Variants in EEFSEC observed in about 807,000 individuals in gnomAD.
The protein encoded by EEFSEC is selenocysteine-specific elongation factor.
EEFSEC carries 43 observed loss-of-function variants against 42.1 expected under a neutral mutation model. The observed-to-expected ratio is 1.02, with a 90% confidence interval of 0.80 to 1.32. The LOEUF (loss-of-function observed/expected upper bound fraction) is 1.32, where lower values mean the gene tolerates loss of function less well. EEFSEC is among the 40% of genes most tolerant of loss of function. EEFSEC has a pLI of 0.00. For synonymous variants in EEFSEC, 354 were observed against 339.1 expected, an observed-to-expected ratio of 1.04 and a Z score of -0.48; for missense variants, 745 against 803.6, an observed-to-expected ratio of 0.93 and a Z score of 0.88.
At chr3:128,334,162 A>C (rs1241766382) in intron 4 of EEFSEC, among the ~76,000 whole-genome samples, 1 of 152,126 alleles carries the variant, frequency 6.6e-6, no homozygotes, top group Non-Finnish European at 1.5e-5. Flanking sequence ...GCCACATCTG[A>C]GTCTCGAGGC....
intron 5 of EEFSEC, among the ~76,000 whole-genome samples, chr3:128,352,532 G>A (rs1218160282): frequency 2.6e-5 from 4 of 152,200 alleles, no homozygotes; most frequent in South Asian, 4.1e-4. Context: ...AATTCCCAGC[G>A]CAACCCTCTG....
At chr3:128,348,253 CGTGTGTGTGT>C (rs761445739) in intron 5 of EEFSEC, among the ~76,000 whole-genome samples, 1 of 101,926 alleles carries the variant, frequency 9.8e-6, no homozygotes, top group Non-Finnish European at 1.9e-5. Flanking sequence ...AGTGTGCATG[CGTGTGTGTGT>C]GTGTGTGCGT....
At chr3:128,212,333 G>T (rs1320808660) in intron 1 of EEFSEC, among the ~76,000 whole-genome samples, 1 of 152,182 alleles carries the variant, frequency 6.6e-6, no homozygotes. Flanking sequence ...ACTACCTTTA[G>T]TACCAGAGTG....
chr3:128,308,670 G>A (rs2066857825), intron 4 of EEFSEC, among the ~76,000 whole-genome samples: 1 of 152,188 alleles, frequency 6.6e-6, no homozygotes, highest in Admixed American at 6.5e-5. Flanking sequence ...TATAGAAAGG[G>A]AGCCAGTCTG....
intron 1 of EEFSEC, among the ~76,000 whole-genome samples, chr3:128,187,520 C>T (rs1251040688): frequency 6.6e-6 from 1 of 152,196 alleles, no homozygotes; most frequent in Non-Finnish European, 1.5e-5. Context: ...TGAATGTGTT[C>T]ACTTGGTGAA....
intron 6 of EEFSEC, among the ~76,000 whole-genome samples, chr3:128,393,960 G>C (rs1351063974): frequency 1.3e-5 from 2 of 151,558 alleles, no homozygotes; most frequent in Non-Finnish European, 2.9e-5. Flanking sequence ...CACGTGTGCA[G>C]CAGGAGTGCA....
chr3:128,253,190 C>T (rs2066205832), intron 2 of EEFSEC, among the ~76,000 whole-genome samples: 1 of 152,296 alleles, frequency 6.6e-6, no homozygotes, highest in South Asian at 2.1e-4. Flanking sequence ...GTTGAATTTC[C>T]AAAAGCTTTA....
rs143121641 is a variant in EEFSEC, at chr3:128,376,400, C to T, written c.1600+18027C>T. Among the ~76,000 whole-genome samples, 40 of 152,320 alleles carry T rather than the reference C, an allele frequency of 2.6e-4. No homozygotes were observed. In the East Asian group the frequency reaches 6.0e-3, roughly 23 times the overall value. On this transcript the variant is annotated intron_variant, in intron 6 of 6. Transcript: ENST00000254730. The stretch of plus-strand genomic sequence containing the variant: ...CCTAACCTGCACAGCCACAGCCCTT[C>T]CCAGGGCCCCGCAGCATTCTGGGCC...
At chr3:128,399,075 A>T (rs1307991266) in intron 6 of EEFSEC, among the ~76,000 whole-genome samples, 2 of 147,954 alleles carry the variant, frequency 1.4e-5, no homozygotes, top group South Asian at 2.1e-4. Flanking sequence ...TTTGCCTTAA[A>T]AAATAAATAA....
intron 1 of EEFSEC, among the ~76,000 whole-genome samples, chr3:128,158,495 C>G (rs552014473): frequency 6.6e-6 from 1 of 152,158 alleles, no homozygotes; most frequent in South Asian, 2.1e-4. Flanking sequence ...CCACAGTCAC[C>G]CCAACCTTCA....
At chr3:128,299,955 C>T (rs2066749080) in intron 4 of EEFSEC, among the ~76,000 whole-genome samples, 1 of 152,224 alleles carries the variant, frequency 6.6e-6, no homozygotes, top group Admixed American at 6.5e-5. Context: ...CTGACTTTGG[C>T]TCTGCCCCTT....
At chr3:128,397,620 C>G (rs2107631528) in intron 6 of EEFSEC, among the ~76,000 whole-genome samples, 1 of 152,380 alleles carries the variant, frequency 6.6e-6, no homozygotes, top group South Asian at 2.1e-4. Flanking sequence ...ACTTGTCAAA[C>G]CTCAGCCCCG....
intron 1 of EEFSEC, among the ~76,000 whole-genome samples, chr3:128,220,946 A>T (rs2065855699): frequency 6.6e-6 from 1 of 151,972 alleles, no homozygotes; most frequent in East Asian, 1.9e-4. Context: ...CTACAACACA[A>T]CTCTGTTTAT....
At chr3:128,406,188 T>C (rs1340558197) in intron 6 of EEFSEC, among the ~76,000 whole-genome samples, 1 of 152,254 alleles carries the variant, frequency 6.6e-6, no homozygotes, top group East Asian at 1.9e-4. Context: ...GGTCTCACCC[T>C]GGCCAGTGGC....
At chr3:128,184,248 A>C (rs966116340) in intron 1 of EEFSEC, among the ~76,000 whole-genome samples, 1 of 152,238 alleles carries the variant, frequency 6.6e-6, no homozygotes, top group Non-Finnish European at 1.5e-5. Context: ...CATTAAGTAC[A>C]TGCATATTGT....
intron 4 of EEFSEC, among the ~76,000 whole-genome samples, chr3:128,298,112 G>T (rs946084755): frequency 2.0e-5 from 3 of 152,212 alleles, no homozygotes; most frequent in African/African-American, 7.2e-5. Context: ...GGGGGCATAT[G>T]CCTGGATCAT....
chr3:128,190,595 T>C (rs2065513428), intron 1 of EEFSEC, among the ~76,000 whole-genome samples: 1 of 152,208 alleles, frequency 6.6e-6, no homozygotes, highest in South Asian at 2.1e-4. Flanking sequence ...ATTAATTTAT[T>C]ATTAAAGAAA....
intron 6 of EEFSEC, among the ~76,000 whole-genome samples, chr3:128,363,087 C>T (rs2067547868): frequency 6.6e-6 from 1 of 152,184 alleles, no homozygotes; most frequent in Non-Finnish European, 1.5e-5. Flanking sequence ...AAACAGCCCC[C>T]AAAATGTGAG....
chr3:128,282,297 G>GC (rs1199739947), intron 4 of EEFSEC, among the ~76,000 whole-genome samples: 1 of 152,228 alleles, frequency 6.6e-6, no homozygotes, highest in Non-Finnish European at 1.5e-5. Flanking sequence ...CTTCCCTGCT[G>GC]CCGGCCTCGG....
Sources: allele counts gnomAD v4.1 joint callset (sites outside exome capture counted in the v4.1 genomes callset), GRCh38; gene constraint gnomAD v4.1.1; transcripts MANE v1.5; gene names NCBI Gene and HGNC (gene_info 2026-07-23, HGNC 2026-07-21).